RBFOX1: variants seen among roughly 807,000 people sequenced by gnomAD.
RBFOX1 encodes RNA binding protein fox-1 homolog 1.
Under a neutral mutation model 57.7 loss-of-function variants are expected in RBFOX1, and 8 were observed. The ratio of observed to expected loss-of-function variants is 0.14; its 90% confidence interval spans 0.08 to 0.25. The LOEUF is 0.25. RBFOX1 is among the 10% of genes least tolerant of loss of function. RBFOX1 has a pLI of 1.00. For synonymous variants in RBFOX1, 326 were observed against 222.4 expected (o/e 1.47, Z -4.15); for missense variants, 611 against 548.5 (o/e 1.11, Z -1.14).
At chr16:6,310,155 G>A (rs1034849701) in intron 1 of RBFOX1, among the ~76,000 whole-genome samples, 1 of 152,158 alleles carries the variant, frequency 6.6e-6, no homozygotes, top group East Asian at 1.9e-4. Context: ...GAAAGTGCTG[G>A]GATTACAGGC....
rs76687373 is a variant in RBFOX1 at position 6,618,700 on chromosome 16, A to G, written c.-63-35903A>G. 5.9e-3 allele frequency among the ~76,000 whole-genome samples: 893 copies of G among 152,296 alleles called. 9 individuals carry two copies. The highest frequency in any genetic ancestry group is 8.4e-3 in the Non-Finnish European group (570 of 68,030). ...TTTAATGTGATGTGTTGGTATTAGA[A>G]AGGGAAAGCATTTCAAAAGCCCTCA... On this transcript the variant is annotated intron_variant, in intron 2 of 15. Coordinates refer to ENST00000550418, the MANE Select transcript of RBFOX1 (RefSeq NM_018723.4).
intron 1 of RBFOX1, among the ~76,000 whole-genome samples, chr16:6,229,654 G>A (rs2152900072): frequency 6.6e-6 from 1 of 151,440 alleles, no homozygotes; most frequent in East Asian, 1.9e-4. Context: ...TAAATTTAAT[G>A]CAAAATAAAA....
intron 1 of RBFOX1, among the ~76,000 whole-genome samples, chr16:6,131,040 A>T (rs1231419357): frequency 6.6e-6 from 1 of 152,206 alleles, no homozygotes; most frequent in African/African-American, 2.4e-5. Context: ...AGAGCGTAAG[A>T]GGCCAGATAG....
At chr16:6,426,904 C>T (rs1331047139) in intron 2 of RBFOX1, among the ~76,000 whole-genome samples, 1 of 152,120 alleles carries the variant, frequency 6.6e-6, no homozygotes, top group African/African-American at 2.4e-5. Flanking sequence ...CGCTGTCATC[C>T]CTGGAGTCCT....
intron 3 of RBFOX1, among the ~76,000 whole-genome samples, chr16:6,755,493 A>C (rs1435446688): frequency 2.6e-5 from 4 of 152,004 alleles, no homozygotes; most frequent in African/African-American, 9.7e-5. Flanking sequence ...TGGCTGCATA[A>C]ATGTCTCCTG....
At chr16:6,957,417 C>G (rs549974732) in intron 3 of RBFOX1, among the ~76,000 whole-genome samples, 1 of 151,076 alleles carries the variant, frequency 6.6e-6, no homozygotes, top group Non-Finnish European at 1.5e-5. Context: ...GTTATTTCTT[C>G]ATGATATGCT....
intron 2 of RBFOX1, among the ~76,000 whole-genome samples, chr16:6,603,118 T>C (rs12934582): frequency 0.07 from 10,606 of 152,284 alleles, 515 homozygotes; most frequent in Non-Finnish European, 0.098. Context: ...ACCGTTGTGG[T>C]CTTAGCTGAA....
At chr16:5,503,215 C>G (rs563851386) in intron 2 of RBFOX1, among the ~76,000 whole-genome samples, 15 of 152,264 alleles carry the variant, frequency 9.9e-5, no homozygotes, top group Admixed American at 4.6e-4. Flanking sequence ...CTGTGCAGTA[C>G]CCCATGTATC....
At chr16:6,735,769 GGTGGT>G (rs2070062234) in intron 3 of RBFOX1, among the ~76,000 whole-genome samples, 1 of 152,178 alleles carries the variant, frequency 6.6e-6, no homozygotes, top group Non-Finnish European at 1.5e-5. Context: ...AAGTGGCATG[GGTGGT>G]GATCTGTGGT....
At chr16:5,550,348 C>G (rs1002288988) in intron 2 of RBFOX1, among the ~76,000 whole-genome samples, 2 of 152,120 alleles carry the variant, frequency 1.3e-5, no homozygotes, top group African/African-American at 2.4e-5. Flanking sequence ...ACCACTGTTG[C>G]TACATGGAAG....
Position 7,212,579 on chromosome 16 carries a change from A to T in RBFOX1, c.27+160481A>T, listed in dbSNP as rs537538596. ...ACATTTTTCCAAGCAGAGTAGTCTC[A>T]CATCCCTTGAAGGCTGAGAACTCTC... On this transcript the variant is annotated intron_variant, in intron 4 of 15. Coordinates refer to ENST00000550418, the MANE Select transcript of RBFOX1 (RefSeq NM_018723.4). Among the ~76,000 whole-genome samples, 8 of 152,264 alleles carry T rather than the reference A, an allele frequency of 5.3e-5. 1 individual carries two copies. Among genetic ancestry groups the T allele is most frequent in the African/African-American group, 1.9e-4 (8 of 41,558 alleles).
At chr16:7,207,386 C>T (rs369330387) in intron 4 of RBFOX1, among the ~76,000 whole-genome samples, 9 of 152,154 alleles carry the variant, frequency 5.9e-5, no homozygotes, top group South Asian at 2.1e-4. Context: ...TTTCTCTCTC[C>T]GTTAGGTTCA....
intron 1 of RBFOX1, among the ~76,000 whole-genome samples, chr16:5,316,551 G>A (rs2064244295): frequency 6.6e-6 from 1 of 152,128 alleles, no homozygotes; most frequent in Non-Finnish European, 1.5e-5. Context: ...CAATAACTGG[G>A]GGACATTGGG....
At chr16:6,435,934 C>G (rs1173067717) in intron 2 of RBFOX1, among the ~76,000 whole-genome samples, 1 of 152,130 alleles carries the variant, frequency 6.6e-6, no homozygotes, top group East Asian at 1.9e-4. Context: ...CGTTTTCCCA[C>G]CACGAACTTC....
intron 3 of RBFOX1, among the ~76,000 whole-genome samples, chr16:6,883,823 C>G (rs1389580984): frequency 1.3e-5 from 2 of 150,822 alleles, no homozygotes; most frequent in South Asian, 2.1e-4. Flanking sequence ...CTATTATTAT[C>G]TCTTTTTTCC....
At chr16:6,981,042 CAAA>C (rs36117809) in intron 3 of RBFOX1, among the ~76,000 whole-genome samples, 3 of 77,470 alleles carry the variant, frequency 3.9e-5, no homozygotes, top group Admixed American at 1.5e-4. Flanking sequence ...GTCTCAGTCT[CAAA>C]AAAAAAAAAA....
intron 1 of RBFOX1, among the ~76,000 whole-genome samples, chr16:6,276,187 A>T (rs918825775): frequency 2.0e-5 from 3 of 152,214 alleles, no homozygotes; most frequent in Non-Finnish European, 1.5e-5. Flanking sequence ...CTCAAAGTGG[A>T]AGGGAACAAG....
intron 14 of RBFOX1, among the ~76,000 whole-genome samples, chr16:7,690,519 C>G (rs2077087746): frequency 6.6e-6 from 1 of 152,084 alleles, no homozygotes; most frequent in Non-Finnish European, 1.5e-5. Flanking sequence ...TGTGGAAAAT[C>G]AGGTGCATTT....
intron 4 of RBFOX1, among the ~76,000 whole-genome samples, chr16:7,277,128 C>T (rs1226192510): frequency 1.3e-5 from 2 of 152,172 alleles, no homozygotes; most frequent in Admixed American, 1.3e-4. Flanking sequence ...TACTGCTGTT[C>T]TGTTCTCAGA....
Sources: gnomAD v4.1 joint callset for allele counts (sites outside exome capture counted in the v4.1 genomes callset) on GRCh38, gnomAD v4.1.1 for gene constraint, MANE v1.5 for transcripts, NCBI Gene and HGNC (gene_info 2026-07-23, HGNC 2026-07-21) for gene names.